The following PCDHGA7 variants were observed in gnomAD, a reference collection of about 807,000 sequenced individuals.
PCDHGA7 encodes the protein protocadherin gamma subfamily A, 7.
PCDHGA7 carries 44 observed loss-of-function variants against 58.3 expected under a neutral mutation model. The ratio of observed to expected loss-of-function variants is 0.75; its 90% CI spans 0.59 to 0.97. The LOEUF (loss-of-function observed/expected upper bound fraction) is 0.97. PCDHGA7 is among the 50% of genes least tolerant of loss of function. The pLI is 0.00. For synonymous variants in PCDHGA7, 516 were observed against 504.2 expected (o/e 1.02, Z -0.31); for missense variants, 1,266 against 1,188.7 (o/e 1.06, Z -0.96).
Position 141,489,214 on chromosome 5 carries a change from T to TA in PCDHGA7, c.2425-5592dup, listed in dbSNP as rs771766565. On this transcript the variant is annotated intron_variant, in intron 1 of 3. Transcript: ENST00000518325. This position sits in a 1 kb window ranked among gnomAD's most constrained non-coding sequence, Gnocchi z 4.5. ...CCTTGGAGACAGGACAGCACAGACTTACTCTCCACAAAGGGACTTCTGGGT... is the reference window on the plus strand; with the variant it reads ...CCTTGGAGACAGGACAGCACAGACTTAACTCTCCACAAAGGGACTTCTGGGT... 216 of 1,480,534 alleles carry TA rather than the reference T, an allele frequency of 1.5e-4. 4 individuals are homozygous for TA. The South Asian group carries it at 2.1e-3, about 14-fold the overall frequency. 91.7% of individuals were successfully genotyped at this position (1,480,534 alleles called of 1,614,324 possible).
intron 1 of PCDHGA7, chr5:141,400,205 C>CCACCACCA: frequency 6.2e-7 from 1 of 1,614,016 alleles, no homozygotes; most frequent in South Asian, 1.1e-5. Flanking sequence ...GTGGCCTTGG[C>CCACCACCA]CTTGATCTCA....
At chr5:141,430,771 G>A (rs772862341) in intron 1 of PCDHGA7, 37 of 1,506,734 alleles carry the variant, frequency 2.5e-5, no homozygotes, top group Non-Finnish European at 2.7e-5. Flanking sequence ...TGATTCCTGC[G>A]CGACTGCACC....
chr5:141,432,053 C>T lies in PCDHGA7; in HGVS notation c.2424+46730C>T. The T allele has an allele frequency of 6.2e-7, 1 of 1,614,240 alleles. No homozygotes were observed. Among genetic ancestry groups the T allele is most frequent in the South Asian group, 1.1e-5 (1 of 91,082 alleles). ...CGCCACTGACCGGGGAACCCCGCCC[C>T]TATCCACGGAAACTCATATCTCGCT... On this transcript the variant is annotated intron_variant, in intron 1 of 3. Transcript: ENST00000518325. The surrounding 1 kb of genome is among the most constrained non-coding windows in gnomAD (Gnocchi z 6.0).
In PCDHGA7 at chr5:141,485,126, G is replaced by C; in HGVS notation, c.2425-9681G>C. ...TGCTGTGGCTGTTTGGGGCGGGTCG[G>C]CTTCATCCGCGTCTCAGGAGCAAGT... On this transcript the variant is annotated intron_variant, in intron 1 of 3. Transcript: ENST00000518325. The surrounding 1 kb of genome is among the most constrained non-coding windows in gnomAD (Gnocchi z 5.7). 1.4e-6 allele frequency: 2 copies of C among 1,432,378 alleles called. No homozygotes were observed. The highest frequency in any genetic ancestry group is 2.4e-5 in the South Asian group (2 of 81,724). 88.7% of individuals were successfully genotyped at this position (1,432,378 alleles called of 1,614,324 possible). A position where few individuals can be genotyped will look rare whatever the true frequency, so the allele number is the denominator to read the frequency against.
intron 1 of PCDHGA7, among the ~76,000 whole-genome samples, chr5:141,472,725 C>T (rs1250092748): frequency 6.6e-6 from 1 of 152,022 alleles, no homozygotes; most frequent in Non-Finnish European, 1.5e-5. Flanking sequence ...GTGGCTCACA[C>T]CTGTAATCCC....
At chr5:141,498,967 GGGAGGGAAGGAA>G (rs1374222518) in intron 2 of PCDHGA7, among the ~76,000 whole-genome samples, 13 of 129,674 alleles carry the variant, frequency 1.0e-4, no homozygotes, top group South Asian at 5.5e-4. Context: ...GAGGGAGGGA[GGGAGGGAAGGAA>G]GGAAGGAAGG....
intron 1 of PCDHGA7, chr5:141,409,931 A>G: frequency 1.2e-6 from 2 of 1,613,260 alleles, no homozygotes; most frequent in Non-Finnish European, 1.7e-6. Flanking sequence ...GTTCTTCGAT[A>G]TGGTACCTCG....
In PCDHGA7 at chr5:141,512,267, G is replaced by C. The variant is rs2099884152; in HGVS notation, c.*1094G>C. On this transcript the variant is annotated 3_prime_UTR_variant, in exon 4 of 4. Coordinates refer to ENST00000518325, the MANE Select transcript of PCDHGA7 (RefSeq NM_018920.4). ...GCCTCTGTGGGTGCTGGGTACTCCA[G>C]AGGTGCCACTGGTGGAAGGGTCAGC... 2.6e-5 allele frequency: 4 copies of C among 152,744 alleles called. No homozygotes were observed. Among genetic ancestry groups the C allele is most frequent in the Admixed American group, 2.6e-4 (4 of 15,290 alleles). 9.5% of individuals were successfully genotyped at this position (152,744 alleles called of 1,614,324 possible). A position where few individuals can be genotyped will look rare whatever the true frequency, so the allele number is the denominator to read the frequency against.
intron 1 of PCDHGA7, chr5:141,478,139 G>A: frequency 6.2e-7 from 1 of 1,614,040 alleles, no homozygotes; most frequent in Non-Finnish European, 8.5e-7. Context: ...TGAAGCCCGA[G>A]CCGAGTTCCC....
Position 141,419,681 on chromosome 5 carries a change from G to A in PCDHGA7, c.2424+34358G>A, listed in dbSNP as rs377117997. ...GCACAATGCCTGGCTGTCCTACCACGTGGTGCAGGCCAGTGAGCCCGGGCT... is the reference window on the plus strand; with the variant it reads ...GCACAATGCCTGGCTGTCCTACCACATGGTGCAGGCCAGTGAGCCCGGGCT... On this transcript the variant is annotated intron_variant, in intron 1 of 3. Coordinates refer to ENST00000518325, the MANE Select transcript of PCDHGA7 (RefSeq NM_018920.4). 76 of 1,612,904 alleles carry A rather than the reference G, an allele frequency of 4.7e-5. No homozygotes were observed. The highest frequency in any genetic ancestry group is 5.7e-5 in the Non-Finnish European group (67 of 1,179,706).
intron 1 of PCDHGA7, among the ~76,000 whole-genome samples, chr5:141,446,448 T>C (rs954515926): frequency 2.6e-5 from 4 of 152,028 alleles, no homozygotes; most frequent in Non-Finnish European, 5.9e-5. Context: ...ACAGTGCAGA[T>C]ATTCAGTGTG....
In PCDHGA7 at chr5:141,383,043, C is replaced by G; in HGVS notation, c.144C>G (p.Ile48Met). 9.3e-6 allele frequency: 15 copies of G among 1,613,860 alleles called. No homozygotes were observed. Among genetic ancestry groups the G allele is most frequent in the Non-Finnish European group, 1.3e-5 (15 of 1,179,904 alleles). ...ACAAAGGGTCCTTTGTGGGAGACAT[C>G]GCCAAGGACCTGGGGCTGGAGCCCC... ...ETDKGSFVGDIAKDLGLEPRE... is the reference protein window; with the variant it reads ...ETDKGSFVGDMAKDLGLEPRE... The change falls in exon 1 of 4, where the codon ATC (isoleucine) becomes ATG (methionine). Residue 48 changes from isoleucine to methionine, a missense_variant. Physicochemically the swap from Ile to Met is conservative, Grantham distance 10 (BLOSUM62 1). Transcript: ENST00000518325.
At chr5:141,419,916 C>T in intron 1 of PCDHGA7, 1 of 1,614,080 alleles carries the variant, frequency 6.2e-7, no homozygotes, top group Non-Finnish European at 8.5e-7. Context: ...GACTCCCAGG[C>T]TGAGATGCAG....
chr5:141,444,475 A>C (rs572738630), intron 1 of PCDHGA7, among the ~76,000 whole-genome samples: 2 of 152,110 alleles, frequency 1.3e-5, no homozygotes, highest in East Asian at 3.9e-4. Context: ...CCGGTCGCGT[A>C]CTGGATTTAT....
chr5:141,457,168 C>T (rs10072917), intron 1 of PCDHGA7, among the ~76,000 whole-genome samples: 42,426 of 152,004 alleles, frequency 0.28, 6,644 homozygotes, highest in African/African-American at 0.43. Context: ...ATGGATAACC[C>T]TATTGCAAAT....
At chr5:141,510,917 C>G in intron 3 of PCDHGA7, 30 bp from the exon 4 acceptor site, 1 of 1,613,854 alleles carries the variant, frequency 6.2e-7, no homozygotes, top group Non-Finnish European at 8.5e-7. Flanking sequence ...CTAAGTTTAG[C>G]TCCCACCTGA....
chr5:141,499,996 C>A (rs1246090346), intron 2 of PCDHGA7, among the ~76,000 whole-genome samples: 2 of 151,572 alleles, frequency 1.3e-5, no homozygotes, highest in Non-Finnish European at 2.9e-5. Flanking sequence ...CCAGATGATT[C>A]TTTCATAAGG....
At chr5:141,508,859 G>C (rs1268915304) in intron 3 of PCDHGA7, among the ~76,000 whole-genome samples, 1 of 152,086 alleles carries the variant, frequency 6.6e-6, no homozygotes, top group Non-Finnish European at 1.5e-5. Flanking sequence ...CCCAGGCTGG[G>C]AAAGGCTGAA....
At chr5:141,455,911 ATTTT>A (rs1404284843) in intron 1 of PCDHGA7, among the ~76,000 whole-genome samples, 2 of 114,614 alleles carry the variant, frequency 1.7e-5, no homozygotes, top group African/African-American at 3.3e-5. Context: ...TTATTTATTT[ATTTT>A]GAGACGGAGT....
Sources: gnomAD v4.1 joint callset for allele counts (sites outside exome capture counted in the v4.1 genomes callset) on GRCh38, gnomAD v4.1.1 for gene constraint, Gnocchi (gnomAD v3.1) non-coding constraint, MANE v1.5 for transcripts, NCBI Gene and HGNC (gene_info 2026-07-23, HGNC 2026-07-21) for gene names.